The following COL25A1 variants were observed in gnomAD, a reference collection of about 807,000 sequenced individuals.
COL25A1 encodes the protein collagen type XXV alpha 1 chain.
COL25A1 carries 103 observed loss-of-function variants against 128.4 expected under a neutral mutation model. The ratio of observed to expected loss-of-function variants is 0.80; its 90% CI spans 0.68 to 0.94. COL25A1 has a LOEUF of 0.94. COL25A1 is among the 40% of genes least tolerant of loss of function. The pLI is 0.00. For missense variants in COL25A1, 745 were observed against 840.0 expected, an observed-to-expected ratio of 0.89 and a Z score of 1.40; for synonymous variants, 279 against 277.2, an observed-to-expected ratio of 1.01 and a Z score of -0.06.
At chr4:108,950,535 T>A (rs1749291085) in intron 8 of COL25A1, among the ~76,000 whole-genome samples, 1 of 152,168 alleles carries the variant, frequency 6.6e-6, no homozygotes, top group Non-Finnish European at 1.5e-5. Context: ...CCTAGATGAA[T>A]GCTGGAAAAA....
At chr4:109,012,941 G>A (rs192041955) in intron 5 of COL25A1, among the ~76,000 whole-genome samples, 275 of 152,378 alleles carry the variant, frequency 1.8e-3, no homozygotes, top group Non-Finnish European at 2.3e-3. Context: ...TCCTGAGTCA[G>A]GTGGGAACTT....
intron 3 of COL25A1, among the ~76,000 whole-genome samples, chr4:109,074,398 C>G (rs368850382): frequency 6.6e-6 from 1 of 152,138 alleles, no homozygotes; most frequent in African/African-American, 2.4e-5. Flanking sequence ...TCTAGTCCCC[C>G]CACCTGAGAG....
intron 3 of COL25A1, among the ~76,000 whole-genome samples, chr4:109,150,461 A>G (rs1771391834): frequency 1.3e-5 from 2 of 152,202 alleles, no homozygotes; most frequent in African/African-American, 4.8e-5. Context: ...GGGATGTTGC[A>G]TAGCAAGAAC....
At chr4:109,186,620 C>T (rs781100311) in intron 3 of COL25A1, among the ~76,000 whole-genome samples, 109 of 152,156 alleles carry the variant, frequency 7.2e-4, no homozygotes, top group Non-Finnish European at 7.3e-4. Context: ...AGCCCTTCTG[C>T]GATTGCCTTT....
intron 8 of COL25A1, among the ~76,000 whole-genome samples, chr4:108,960,623 T>G (rs1456507978): frequency 3.9e-5 from 6 of 152,170 alleles, no homozygotes; most frequent in Admixed American, 1.3e-4. Context: ...CCTTTGTATC[T>G]AGAAGTTTAC....
intron 3 of COL25A1, among the ~76,000 whole-genome samples, chr4:109,263,809 A>G (rs1781600729): frequency 6.6e-6 from 1 of 152,210 alleles, no homozygotes; most frequent in Admixed American, 6.5e-5. Flanking sequence ...ATTCAGCAAA[A>G]TGACATAAAA....
chr4:108,848,925 G>A lies in COL25A1; in HGVS notation c.1390-122C>T, dbSNP rs972909635. On this transcript the variant is annotated intron_variant, in intron 26 of 37. Coordinates refer to ENST00000399132, the MANE Select transcript of COL25A1 (RefSeq NM_198721.4). ...ACTTTCAGCAAATGCATCATAACCCGAGAATATTCTATTATAGCACATATC... is the reference window on the plus strand; with the variant it reads ...ACTTTCAGCAAATGCATCATAACCCAAGAATATTCTATTATAGCACATATC... The A allele has an allele frequency of 1.0e-4, 73 of 706,680 alleles. 1 individual carries two copies. In the South Asian group the frequency reaches 1.0e-3, roughly 10 times the overall value. The allele number at this position is 706,680 out of a possible 1,614,324, so 43.8% of individuals were successfully genotyped here. A position where few individuals can be genotyped will look rare whatever the true frequency, so the allele number is the denominator to read the frequency against.
At chr4:109,066,925 C>A (rs938323202) in intron 3 of COL25A1, among the ~76,000 whole-genome samples, 1 of 152,148 alleles carries the variant, frequency 6.6e-6, no homozygotes, top group Non-Finnish European at 1.5e-5. Context: ...CCCAACTCAG[C>A]CTCCCAAAAT....
intron 3 of COL25A1, among the ~76,000 whole-genome samples, chr4:109,173,104 G>C (rs1773740284): frequency 6.6e-6 from 1 of 152,072 alleles, no homozygotes; most frequent in Admixed American, 6.6e-5. Context: ...GTGTGTGTGA[G>C]AGACAGGGTC....
intron 19 of COL25A1, among the ~76,000 whole-genome samples, chr4:108,882,360 G>A (rs1357021403): frequency 1.3e-5 from 2 of 150,584 alleles, no homozygotes; most frequent in African/African-American, 2.4e-5. Context: ...GGGACAACTA[G>A]ATTTCAAAGC....
At chr4:108,816,870 T>C (rs34532901) in intron 37 of COL25A1, among the ~76,000 whole-genome samples, 20 of 152,200 alleles carry the variant, frequency 1.3e-4, no homozygotes, top group Non-Finnish European at 2.8e-4. Context: ...ACAGTGACTA[T>C]GGGCAGTCAT....
At chr4:109,000,904 A>G (rs993813461) in intron 6 of COL25A1, among the ~76,000 whole-genome samples, 5 of 150,946 alleles carry the variant, frequency 3.3e-5, no homozygotes, top group Admixed American at 6.6e-5. Context: ...GGATGTGTGG[A>G]AACTGAGTGT....
intron 3 of COL25A1, among the ~76,000 whole-genome samples, chr4:109,239,210 G>T (rs888541132): frequency 6.6e-6 from 1 of 151,454 alleles, no homozygotes; most frequent in Non-Finnish European, 1.5e-5. Flanking sequence ...ACATCATAGA[G>T]TGTACTTAAA....
chr4:108,897,324 T>C (rs1742260136), intron 15 of COL25A1, among the ~76,000 whole-genome samples: 1 of 152,264 alleles, frequency 6.6e-6, no homozygotes, highest in African/African-American at 2.4e-5. Context: ...TTTTTTGTTG[T>C]TATTTTTGAG....
rs1329986916 is a variant in COL25A1 at position 108,811,428 on chromosome 4, A to T, written c.*2499T>A. On this transcript the variant is annotated 3_prime_UTR_variant, in exon 38 of 38. Coordinates refer to ENST00000399132, the MANE Select transcript of COL25A1 (RefSeq NM_198721.4). ...TTCTTTGAAGGGCTGTATTTCAAAA[A>T]ATTTTTTTATACATAAAGTGTTTTT... 1 of 152,108 alleles carries T rather than the reference A, an allele frequency of 6.6e-6. No individual in the cohort carries two copies. Among genetic ancestry groups the T allele is most frequent in the Admixed American group, 6.6e-5 (1 of 15,260 alleles). The allele number at this position is 152,108 out of a possible 1,614,324, so 9.4% of individuals were successfully genotyped here. A position where few individuals can be genotyped will look rare whatever the true frequency, so the allele number is the denominator to read the frequency against.
intron 31 of COL25A1, chr4:108,838,076 A>G: frequency 6.6e-7 from 1 of 1,513,020 alleles, no homozygotes; most frequent in Non-Finnish European, 9.0e-7. Context: ...TTGCACTAAA[A>G]TGGAAAGTTT....
intron 3 of COL25A1, among the ~76,000 whole-genome samples, chr4:109,297,601 C>T (rs1578668075): frequency 6.6e-6 from 1 of 152,130 alleles, no homozygotes; most frequent in Non-Finnish European, 1.5e-5. Flanking sequence ...TCTACAGATA[C>T]ATTTGTTTAA....
At chr4:108,984,491 G>A (rs35341926) in intron 6 of COL25A1, among the ~76,000 whole-genome samples, 12,036 of 152,260 alleles carry the variant, frequency 0.079, 644 homozygotes, top group Non-Finnish European at 0.12. Context: ...TGAGGGGGGC[G>A]GGAGGGAGGC....
At chr4:109,132,426 G>A (rs1769308289) in intron 3 of COL25A1, among the ~76,000 whole-genome samples, 1 of 152,018 alleles carries the variant, frequency 6.6e-6, no homozygotes. Context: ...TATAAAATAA[G>A]GGCCTTATCT....
Sources: allele counts gnomAD v4.1 joint callset (sites outside exome capture counted in the v4.1 genomes callset), GRCh38; gene constraint gnomAD v4.1.1; transcripts MANE v1.5; gene names NCBI Gene and HGNC (gene_info 2026-07-23, HGNC 2026-07-21).